The following ALDH1L1 variants were observed in gnomAD, a reference collection of about 807,000 sequenced individuals.
The protein encoded by ALDH1L1 is cytosolic 10-formyltetrahydrofolate dehydrogenase.
A neutral mutation model predicts 101.1 loss-of-function variants in ALDH1L1; 68 were observed. The observed-to-expected ratio is 0.67, with a 90% CI of 0.55 to 0.82. ALDH1L1 has a LOEUF of 0.82. ALDH1L1 is among the 40% of genes least tolerant of loss of function. The pLI, the probability that ALDH1L1 is intolerant of heterozygous loss-of-function variation, is 0.00. For missense variants in ALDH1L1, 1,087 were observed against 1,172.7 expected (o/e 0.93, Z 1.07); for synonymous variants, 486 against 470.8 (o/e 1.03, Z -0.42).
rs949747927 is a variant in ALDH1L1, at chr3:126,150,465, C to A, written c.925G>T (p.Ala309Ser). 19 of 1,551,474 alleles carry A rather than the reference C, an allele frequency of 1.2e-5. No homozygotes were observed. Among genetic ancestry groups the A allele is most frequent in the Admixed American group, 3.9e-5 (2 of 50,988 alleles). The change falls in exon 8 of 23, where the codon GCA becomes TCA. Residue 309 changes from alanine to serine, a missense_variant. Transcript: ENST00000393434. ...MILASNFFKG[A>S]ASSVLELTEA... is the part of the protein sequence containing the mutation. The stretch of plus-strand genomic sequence containing the variant: ...GTCAGCTCAAGGACACTGCTGGCTG[C>A]CCCCTTAAAGAAGTTCGAGGCCAGG...
rs1945837184 is a variant in ALDH1L1, at chr3:126,105,569, T to G, written c.2653+157A>C. 8.5e-6 allele frequency: 7 copies of G among 824,820 alleles called. No homozygotes were observed. The East Asian group carries it at 1.8e-4, about 21-fold the overall frequency. The allele number at this position is 824,820 out of a possible 1,614,324, so 51.1% of individuals were successfully genotyped here. On this transcript the variant is annotated intron_variant, in intron 22 of 22. Transcript: ENST00000393434. ...TCTGCAAGCATCTTGCTCACGGACT[T>G]GTCACAAGTTCCCTCCCAGTAAGAA...
chr3:126,131,962 C>G (rs770101525), intron 12 of ALDH1L1, among the ~76,000 whole-genome samples: 3 of 152,230 alleles, frequency 2.0e-5, no homozygotes, highest in African/African-American at 7.2e-5. Flanking sequence ...CTGTTCAGTC[C>G]AGGATGGTGG....
intron 14 of ALDH1L1, among the ~76,000 whole-genome samples, chr3:126,126,939 G>A (rs1014577684): frequency 2.0e-5 from 3 of 152,208 alleles, no homozygotes; most frequent in African/African-American, 7.2e-5. Context: ...ATGCCAAGAG[G>A]GCATGAGGCA....
At chr3:126,195,080 A>G (rs1055071136) in intron 1 of ALDH1L1, among the ~76,000 whole-genome samples, 1 of 151,902 alleles carries the variant, frequency 6.6e-6, no homozygotes, top group Non-Finnish European at 1.5e-5. Flanking sequence ...CCTTCTTTGC[A>G]TAGCCAAGAT....
chr3:126,138,027 G>A, intron 9 of ALDH1L1, 67 bp from the exon 10 acceptor site: 1 of 1,589,834 alleles, frequency 6.3e-7, no homozygotes, highest in South Asian at 1.1e-5. Context: ...GCTAGCAGCA[G>A]TGGCAGTGGG....
chr3:126,153,170 C>T (rs2080837774), intron 7 of ALDH1L1: 2 of 494,440 alleles, frequency 4.0e-6, no homozygotes, highest in Non-Finnish European at 7.4e-6. Flanking sequence ...TTGCCTGACA[C>T]CCACACAGGG....
rs1441025977 is a variant in ALDH1L1, at chr3:126,131,331, T to C, written c.1623+53A>G. Reference sequence around the variant, plus strand: ...CTGTGCTGCCCTTGGAGTTCTCCTATATGGCTGGGCCAGTCTGCATGTGCT... The same window carrying C: ...CTGTGCTGCCCTTGGAGTTCTCCTACATGGCTGGGCCAGTCTGCATGTGCT... On this transcript the variant is annotated intron_variant, in intron 13 of 22. Coordinates refer to ENST00000393434, the MANE Select transcript of ALDH1L1 (RefSeq NM_012190.4). 6.6e-6 allele frequency: 10 copies of C among 1,507,738 alleles called. No individual in the cohort carries two copies. In the South Asian group the frequency reaches 1.0e-4, roughly 16 times the overall value. The allele number at this position is 1,507,738 out of a possible 1,614,324, so 93.4% of individuals were successfully genotyped here.
intron 13 of ALDH1L1, among the ~76,000 whole-genome samples, chr3:126,130,920 A>G (rs1003507976): frequency 6.6e-6 from 1 of 152,238 alleles, no homozygotes; most frequent in Non-Finnish European, 1.5e-5. Context: ...CATAGTGCCC[A>G]TGAGCCCAGA....
chr3:126,120,452 G>T (rs1260550006), intron 16 of ALDH1L1, among the ~76,000 whole-genome samples: 1 of 152,220 alleles, frequency 6.6e-6, no homozygotes, highest in Non-Finnish European at 1.5e-5. Context: ...ATCACTGGTT[G>T]CCAGGGATTA....
chr3:126,124,071 A>G (rs2080130318), intron 16 of ALDH1L1, among the ~76,000 whole-genome samples: 1 of 152,056 alleles, frequency 6.6e-6, no homozygotes, highest in African/African-American at 2.4e-5. Flanking sequence ...TTCCAAGGGC[A>G]GAAAATCCCC....
intron 17 of ALDH1L1, chr3:126,115,199 C>A (rs1445245869): frequency 1.2e-5 from 5 of 406,120 alleles, no homozygotes; most frequent in Non-Finnish European, 2.5e-5. Flanking sequence ...GGCTGGGGCA[C>A]CTCCTTGTAT....
At chr3:126,135,765 C>T in intron 11 of ALDH1L1, 103 bp from the exon 12 acceptor site, 2 of 1,366,426 alleles carry the variant, frequency 1.5e-6, no homozygotes, top group Non-Finnish European at 1.9e-6. Context: ...GTGAGGCGGC[C>T]CCTGTCCACA....
intron 17 of ALDH1L1, among the ~76,000 whole-genome samples, chr3:126,115,973 AG>A (rs1433159596): frequency 1.3e-5 from 2 of 151,308 alleles, no homozygotes; most frequent in Admixed American, 6.6e-5. Flanking sequence ...TCCGGATTCA[AG>A]CGATTCTCCT....
intron 1 of ALDH1L1, among the ~76,000 whole-genome samples, chr3:126,172,394 C>A (rs910092838): frequency 4.6e-5 from 7 of 151,344 alleles, no homozygotes; most frequent in Admixed American, 3.9e-4. Flanking sequence ...AGAAAAAAAT[C>A]AAAAAAAGTC....
chr3:126,190,969 A>G (rs1286149772), intron 1 of ALDH1L1, among the ~76,000 whole-genome samples: 3 of 152,178 alleles, frequency 2.0e-5, no homozygotes, highest in Non-Finnish European at 4.4e-5. Flanking sequence ...TTCCTTTCCT[A>G]TTAATTCATT....
At position 126,150,469 on chromosome 3, in the gene ALDH1L1, C is replaced by T; in HGVS notation, c.921G>A (p.Lys307=). 1 of 1,551,618 alleles carries T rather than the reference C, an allele frequency of 6.4e-7. No individual in the cohort carries two copies. ...GKMILASNFF[K]GAASSVLELT... ...GCTCAAGGACACTGCTGGCTGCCCC[C>T]TTAAAGAAGTTCGAGGCCAGGATCA... Residue 307 remains lysine (K), a synonymous_variant, in exon 8 of 23, where the codon AAG becomes AAA. Coordinates refer to ENST00000393434, the MANE Select transcript of ALDH1L1 (RefSeq NM_012190.4).
At chr3:126,150,385 A>G in intron 8 of ALDH1L1, 21 bp downstream of exon 8, 3 of 1,549,330 alleles carry the variant, frequency 1.9e-6, no homozygotes, top group Non-Finnish European at 2.6e-6. Context: ...ACTGGATGGC[A>G]GCCCTGAAGT....
At chr3:126,140,333 A>C (rs1301053660) in intron 9 of ALDH1L1, among the ~76,000 whole-genome samples, 2 of 152,192 alleles carry the variant, frequency 1.3e-5, no homozygotes, top group East Asian at 3.8e-4. Context: ...TGAAACAGAA[A>C]TTAAGATATT....
intron 9 of ALDH1L1, among the ~76,000 whole-genome samples, chr3:126,145,070 T>A (rs967985418): frequency 6.6e-6 from 1 of 152,116 alleles, no homozygotes; most frequent in Non-Finnish European, 1.5e-5. Flanking sequence ...AACAGGTATA[T>A]GAAAAGATGC....
Sources: gnomAD v4.1 joint callset for allele counts (sites outside exome capture counted in the v4.1 genomes callset) on GRCh38, gnomAD v4.1.1 for gene constraint, MANE v1.5 for transcripts, NCBI Gene and HGNC (gene_info 2026-07-23, HGNC 2026-07-21) for gene names.